The following CNTN5 variants were observed in gnomAD, a reference collection of about 807,000 sequenced individuals.
The protein encoded by CNTN5 is contactin 5.
CNTN5 carries 77 observed loss-of-function variants against 129.1 expected under a neutral mutation model. That is an observed-to-expected ratio of 0.60 (90% CI 0.50 to 0.72). The LOEUF (loss-of-function observed/expected upper bound fraction) is 0.72, where lower values mean the gene tolerates loss of function less well. CNTN5 is among the 30% of genes least tolerant of loss of function. The pLI, the probability that CNTN5 is intolerant of heterozygous loss-of-function variation, is 0.00. For synonymous variants in CNTN5, 509 were observed against 465.6 expected, an observed-to-expected ratio of 1.09 and a Z score of -1.20; for missense variants, 1,478 against 1,328.8, an observed-to-expected ratio of 1.11 and a Z score of -1.75.
chr11:99,607,662 C>T (rs1240999111), intron 3 of CNTN5, among the ~76,000 whole-genome samples: 8 of 115,740 alleles, frequency 6.9e-5, no homozygotes, highest in African/African-American at 1.2e-4. Flanking sequence ...ATGTTTATTG[C>T]GGCACTATTC....
chr11:99,169,238 C>T (rs1295223312), intron 1 of CNTN5, among the ~76,000 whole-genome samples: 9 of 152,096 alleles, frequency 5.9e-5, no homozygotes, highest in African/African-American at 1.7e-4. Flanking sequence ...TTATGGCAGG[C>T]TTCCAGAGTG....
chr11:99,232,728 T>C (rs1318302169), intron 1 of CNTN5, among the ~76,000 whole-genome samples: 1 of 152,200 alleles, frequency 6.6e-6, no homozygotes, highest in Non-Finnish European at 1.5e-5. Context: ...CAATTAGTAA[T>C]TGGTAACTGC....
At chr11:99,137,784 TA>T (rs1284949898) in intron 1 of CNTN5, among the ~76,000 whole-genome samples, 1 of 152,076 alleles carries the variant, frequency 6.6e-6, no homozygotes. Flanking sequence ...TTTTTCCCCC[TA>T]GAAACTTCAT....
At chr11:99,378,201 TC>T (rs1289710854) in intron 2 of CNTN5, among the ~76,000 whole-genome samples, 2 of 152,156 alleles carry the variant, frequency 1.3e-5, no homozygotes, top group Admixed American at 6.6e-5. Context: ...TCTTCTGAAA[TC>T]TTTTGTCCCA....
intron 6 of CNTN5, among the ~76,000 whole-genome samples, chr11:99,846,828 A>T (rs1045903786): frequency 6.6e-6 from 1 of 152,186 alleles, no homozygotes; most frequent in Non-Finnish European, 1.5e-5. Flanking sequence ...AAAAATGTAA[A>T]TATCATATTT....
chr11:99,440,995 A>G (rs532353270), intron 2 of CNTN5, among the ~76,000 whole-genome samples: 1 of 152,128 alleles, frequency 6.6e-6, no homozygotes, highest in Non-Finnish European at 1.5e-5. Context: ...TATTATTAAC[A>G]TTATTTAGAG....
intron 1 of CNTN5, among the ~76,000 whole-genome samples, chr11:99,194,340 T>TA (rs1858794721): frequency 6.6e-6 from 1 of 152,030 alleles, no homozygotes; most frequent in South Asian, 2.1e-4. Flanking sequence ...AAAGATGAGA[T>TA]AAAAACCTTA....
chr11:99,323,573 T>A (rs1005535872), intron 1 of CNTN5, among the ~76,000 whole-genome samples: 3 of 152,106 alleles, frequency 2.0e-5, no homozygotes, highest in Admixed American at 2.0e-4. Flanking sequence ...ATGTTCTCAG[T>A]ATTTCCATAT....
At chr11:99,149,615 A>C (rs1456283460) in intron 1 of CNTN5, among the ~76,000 whole-genome samples, 1 of 151,910 alleles carries the variant, frequency 6.6e-6, no homozygotes. Context: ...ACTTCTAACA[A>C]AGTGAATTGC....
At chr11:99,771,118 C>A (rs1436735924) in intron 3 of CNTN5, among the ~76,000 whole-genome samples, 1 of 151,918 alleles carries the variant, frequency 6.6e-6, no homozygotes, top group East Asian at 1.9e-4. Context: ...CATTTCATAC[C>A]TGAATTAATA....
intron 20 of CNTN5, among the ~76,000 whole-genome samples, chr11:100,302,324 C>T (rs919391046): frequency 2.0e-5 from 3 of 151,548 alleles, no homozygotes; most frequent in African/African-American, 7.3e-5. Context: ...GATGTTCATA[C>T]AGCTTCACAG....
chr11:99,141,701 TCTC>T (rs2135462865), intron 1 of CNTN5, among the ~76,000 whole-genome samples: 1 of 152,294 alleles, frequency 6.6e-6, no homozygotes, highest in Non-Finnish European at 1.5e-5. Context: ...GTATCTTTTT[TCTC>T]ATTAGTTTTA....
intron 1 of CNTN5, among the ~76,000 whole-genome samples, chr11:99,172,540 T>A (rs747550205): frequency 6.6e-6 from 1 of 152,186 alleles, no homozygotes; most frequent in Non-Finnish European, 1.5e-5. Context: ...CATTAACATC[T>A]CTGAAGCTCA....
At chr11:99,302,528 C>A (rs1331721438) in intron 1 of CNTN5, among the ~76,000 whole-genome samples, 1 of 151,688 alleles carries the variant, frequency 6.6e-6, no homozygotes, top group African/African-American at 2.4e-5. Context: ...ATACATAATA[C>A]ATATGCATAT....
intron 13 of CNTN5, among the ~76,000 whole-genome samples, chr11:100,094,013 T>C (rs1565234106): frequency 6.6e-6 from 1 of 152,130 alleles, no homozygotes; most frequent in Non-Finnish European, 1.5e-5. Context: ...GATCCTTTTG[T>C]TTACCTGAAA....
rs568204231 is a variant in CNTN5, at chr11:99,180,213, A to G, written c.-209-145133A>G. The stretch of plus-strand genomic sequence containing the variant: ...ATAAGCAAATGATATAATAATAAGC[A>G]GATGATACAGTAAGCAGATTGATAT... On this transcript the variant is annotated intron_variant, in intron 1 of 24. Transcript: ENST00000524871. 4.6e-5 allele frequency among the ~76,000 whole-genome samples: 7 copies of G among 152,336 alleles called. No homozygotes were observed. In the South Asian group the frequency reaches 1.0e-3, roughly 23 times the overall value.
Position 99,961,363 on chromosome 11 carries a change from AT to A in CNTN5, c.877+4356del, listed in dbSNP as rs796564822. Among the ~76,000 whole-genome samples, 30 of 152,282 alleles carry A rather than the reference AT, an allele frequency of 2.0e-4. No individual in the cohort carries two copies. In the South Asian group the frequency reaches 4.4e-3, roughly 22 times the overall value. ...TCAGATCCTACAAAACTAAATCTAT[AT>A]TATTAATGAGAATGCTGAAGGAGAG... On this transcript the variant is annotated intron_variant, in intron 8 of 24. Transcript: ENST00000524871.
At chr11:100,253,681 T>A (rs1325615164) in intron 16 of CNTN5, among the ~76,000 whole-genome samples, 1 of 152,158 alleles carries the variant, frequency 6.6e-6, no homozygotes, top group Non-Finnish European at 1.5e-5. Context: ...GTTAGACATC[T>A]TCTTCAACAC....
At chr11:99,744,571 AAAG>A (rs1210670243) in intron 3 of CNTN5, among the ~76,000 whole-genome samples, 2 of 140,670 alleles carry the variant, frequency 1.4e-5, no homozygotes, top group Non-Finnish European at 3.1e-5. Context: ...AAAAAAAAAA[AAAG>A]CTGGGTGTAG....
Sources: allele counts gnomAD v4.1 joint callset (sites outside exome capture counted in the v4.1 genomes callset), GRCh38; gene constraint gnomAD v4.1.1; transcripts MANE v1.5; gene names NCBI Gene and HGNC (gene_info 2026-07-23, HGNC 2026-07-21).